Variants in BACH2 observed in about 807,000 individuals in gnomAD.
BACH2 encodes BACH transcriptional regulator 2.
BACH2 carries 5 observed loss-of-function variants against 61.8 expected under a neutral mutation model. That is an observed-to-expected ratio of 0.08 (90% CI 0.04 to 0.17). The LOEUF (loss-of-function observed/expected upper bound fraction) is 0.17, where lower values mean the gene tolerates loss of function less well. Ranked by LOEUF, BACH2 falls within the 10% of genes least tolerant of loss-of-function variation. The probability of loss-of-function intolerance (pLI) is 1.00; values close to 1 mark genes in which losing one functional copy is unlikely to be tolerated. For missense variants in BACH2, 824 were observed against 1,091.1 expected (o/e 0.76, Z 3.45); for synonymous variants, 446 against 440.1 (o/e 1.01, Z -0.17).
intron 6 of BACH2, among the ~76,000 whole-genome samples, chr6:89,960,958 A>G (rs1480721562): frequency 6.6e-6 from 1 of 152,226 alleles, no homozygotes; most frequent in Non-Finnish European, 1.5e-5. Flanking sequence ...AGGTCCCAAA[A>G]GCAAACATTC....
chr6:90,123,117 T>A (rs951584407), intron 4 of BACH2, among the ~76,000 whole-genome samples: 38 of 151,456 alleles, frequency 2.5e-4, no homozygotes, highest in African/African-American at 9.3e-4. Flanking sequence ...AATCTCGAGA[T>A]GAAATCATCC....
At chr6:89,954,281 C>G (rs1774287489) in intron 6 of BACH2, among the ~76,000 whole-genome samples, 1 of 149,590 alleles carries the variant, frequency 6.7e-6, no homozygotes, top group Non-Finnish European at 1.5e-5. Context: ...GCTATTTATA[C>G]TGTTCACACA....
intron 2 of BACH2, among the ~76,000 whole-genome samples, chr6:90,255,094 C>A (rs542844747): frequency 6.6e-6 from 1 of 152,300 alleles, no homozygotes; most frequent in South Asian, 2.1e-4. Flanking sequence ...CAAATCATAT[C>A]TCTATGATCA....
chr6:89,936,828 G>A (rs1225184924), intron 8 of BACH2, among the ~76,000 whole-genome samples: 3 of 152,068 alleles, frequency 2.0e-5, no homozygotes, highest in Non-Finnish European at 4.4e-5. Context: ...ATTAGCTGGT[G>A]GCTCACCATG....
Position 89,950,065 on chromosome 6 carries a change from A to G in BACH2, c.1836+205T>C, listed in dbSNP as rs1773984015. The G allele has an allele frequency of 7.9e-6, 5 of 629,720 alleles. No homozygotes were observed. The highest frequency in any genetic ancestry group is 3.8e-5 in the South Asian group (2 of 52,988). 39.0% of individuals were successfully genotyped at this position (629,720 alleles called of 1,614,324 possible). A position where few individuals can be genotyped will look rare whatever the true frequency, so the allele number is the denominator to read the frequency against. ...TGTCGAGTATTGAGATCCAGATCAA[A>G]TATCAAGTGCTTTTCTAGGACAGAA... On this transcript the variant is annotated intron_variant, in intron 7 of 8. Transcript: ENST00000257749. This position sits in a 1 kb window ranked among gnomAD's most constrained non-coding sequence, Gnocchi z 5.3.
intron 3 of BACH2, among the ~76,000 whole-genome samples, chr6:90,247,109 T>C (rs904463844): frequency 6.6e-6 from 1 of 152,210 alleles, no homozygotes; most frequent in African/African-American, 2.4e-5. Context: ...TTGACCTGCA[T>C]ACTAACTACC....
chr6:89,978,908 G>C (rs945498928), intron 6 of BACH2, among the ~76,000 whole-genome samples: 7 of 152,120 alleles, frequency 4.6e-5, no homozygotes, highest in Non-Finnish European at 7.4e-5. Context: ...ATGAAAGCTC[G>C]TGGGAGCAAC....
intron 3 of BACH2, among the ~76,000 whole-genome samples, chr6:90,217,170 T>A (rs1769566503): frequency 6.6e-6 from 1 of 152,204 alleles, no homozygotes; most frequent in African/African-American, 2.4e-5. Context: ...AGCTTCAGTG[T>A]TGGACTATGT....
rs1774017736 is a variant in BACH2 at position 89,950,568 on chromosome 6, A to C, written c.1538T>G (p.Leu513Trp). 3 of 1,611,478 alleles carry C rather than the reference A, an allele frequency of 1.9e-6. No homozygotes were observed. The East Asian group carries it at 6.7e-5, about 36-fold the overall frequency. Residue 513 changes from leucine to tryptophan, a missense_variant, in exon 7 of 9, where the codon TTG becomes TGG. By Grantham distance (61) the Leu-to-Trp change is moderately conservative (BLOSUM62 -2). Transcript: ENST00000257749. The surrounding 1 kb of genome is among the most constrained non-coding windows in gnomAD (Gnocchi z 5.3). ...GCTGGAAGTCCTGGTCCTGGTCTCC[A>C]AGGGGGGTGAGCGAGGGCAGACTTT... ...PIKVCPRSPP[L>W]ETRTRTSSSC... is the part of the protein sequence containing the mutation.
chr6:90,062,809 CA>C, intron 5 of BACH2: 2 of 548,184 alleles, frequency 3.6e-6, no homozygotes, highest in Non-Finnish European at 4.6e-6. Flanking sequence ...ACAAACTACT[CA>C]AACAAAGTCT....
At chr6:90,205,765 TA>T (rs1377056269) in intron 4 of BACH2, among the ~76,000 whole-genome samples, 3 of 152,214 alleles carry the variant, frequency 2.0e-5, no homozygotes, top group Non-Finnish European at 4.4e-5. Context: ...TCACCTCCTC[TA>T]CACTGTCTTT....
chr6:90,166,063 T>C (rs1016452838), intron 4 of BACH2, among the ~76,000 whole-genome samples: 13 of 151,860 alleles, frequency 8.6e-5, no homozygotes, highest in African/African-American at 2.9e-4. Context: ...ACAAATGGGA[T>C]CTAATTAAAC....
chr6:89,988,267 T>C (rs1208954589), intron 6 of BACH2, among the ~76,000 whole-genome samples: 2 of 152,364 alleles, frequency 1.3e-5, no homozygotes, highest in East Asian at 3.9e-4. Flanking sequence ...ATCACATTTA[T>C]ACAGCATTTT....
intron 3 of BACH2, among the ~76,000 whole-genome samples, chr6:90,218,645 G>A (rs1050571415): frequency 1.3e-5 from 2 of 152,066 alleles, no homozygotes; most frequent in Admixed American, 1.3e-4. Flanking sequence ...TTTGTGGAAA[G>A]GACCTGGAGC....
intron 4 of BACH2, among the ~76,000 whole-genome samples, chr6:90,184,772 C>T (rs906835764): frequency 6.6e-6 from 1 of 152,162 alleles, no homozygotes; most frequent in Admixed American, 6.5e-5. Flanking sequence ...GGAAACATCA[C>T]CTTAAGGTTG....
chr6:90,188,747 G>A (rs1321081647), intron 4 of BACH2, among the ~76,000 whole-genome samples: 2 of 140,196 alleles, frequency 1.4e-5, no homozygotes, highest in African/African-American at 5.4e-5. Context: ...ATAAGGTCTG[G>A]TGGCCCCAAA....
rs1772699956 is a variant in BACH2, at chr6:89,932,299, A to C, written c.*109T>G. The stretch of plus-strand genomic sequence containing the variant: ...TGCTGCTAAGACCGCTGTAGTGTGC[A>C]CCAAATGTGTTCTCGGTTTCTTCGG... On this transcript the variant is annotated 3_prime_UTR_variant, in exon 9 of 9. Coordinates refer to ENST00000257749, the MANE Select transcript of BACH2 (RefSeq NM_021813.4). 7.0e-7 allele frequency: 1 copy of C among 1,423,356 alleles called. No homozygotes were observed. Among genetic ancestry groups the C allele is most frequent in the South Asian group, 1.3e-5 (1 of 76,844 alleles). The allele number at this position is 1,423,356 out of a possible 1,614,324, so 88.2% of individuals were successfully genotyped here.
intron 5 of BACH2, among the ~76,000 whole-genome samples, chr6:90,068,593 G>A (rs1781074129): frequency 6.6e-6 from 1 of 151,774 alleles, no homozygotes. Flanking sequence ...GGCTCCCAGA[G>A]AAACACCATG....
intron 5 of BACH2, among the ~76,000 whole-genome samples, chr6:90,050,872 C>G (rs1412146900): frequency 6.6e-6 from 1 of 151,532 alleles, no homozygotes; most frequent in Non-Finnish European, 1.5e-5. Flanking sequence ...TGGGTTCAAG[C>G]GATTCTCTCC....
Sources: allele counts gnomAD v4.1 joint callset (sites outside exome capture counted in the v4.1 genomes callset), GRCh38; gene constraint gnomAD v4.1.1; non-coding constraint Gnocchi (gnomAD v3.1); transcripts MANE v1.5; gene names NCBI Gene and HGNC (gene_info 2026-07-23, HGNC 2026-07-21).